The following DEK variants were observed in gnomAD, a reference collection of about 807,000 sequenced individuals.
DEK encodes the protein DEK proto-oncogene, also known as protein DEK.
A neutral mutation model predicts 46.8 loss-of-function variants in DEK; 28 were observed. The observed-to-expected ratio is 0.60, with a 90% CI of 0.44 to 0.82. The LOEUF is 0.82. DEK is among the 40% of genes least tolerant of loss of function. DEK has a pLI of 0.00. For synonymous variants in DEK, 160 were observed against 144.5 expected (o/e 1.11, Z -0.77); for missense variants, 416 against 430.6 (o/e 0.97, Z 0.30).
chr6:18,260,149 A>G (rs1389656528), intron 2 of DEK, among the ~76,000 whole-genome samples: 7 of 152,252 alleles, frequency 4.6e-5, no homozygotes, highest in Non-Finnish European at 1.0e-4. Flanking sequence ...AAAATGGTGT[A>G]GTAGTTACAT....
At position 18,240,550 on chromosome 6, in the gene DEK, G is replaced by C. The variant is rs558574068; in HGVS notation, c.763-3034C>G. 2.0e-5 allele frequency among the ~76,000 whole-genome samples: 3 copies of C among 152,268 alleles called. No individual in the cohort carries two copies. The East Asian group carries it at 5.8e-4, about 29-fold the overall frequency. On this transcript the variant is annotated intron_variant, in intron 7 of 10. Transcript: ENST00000652689. Reference sequence around the variant, plus strand: ...TGAAAAGTATTTTTGGTAGTACCTGGCAAATAGTAAACACTAAATATTAAC... The same window carrying C: ...TGAAAAGTATTTTTGGTAGTACCTGCCAAATAGTAAACACTAAATATTAAC...
chr6:18,249,325 A>G (rs1032354345), intron 7 of DEK, among the ~76,000 whole-genome samples: 2 of 152,206 alleles, frequency 1.3e-5, no homozygotes, highest in Admixed American at 6.5e-5. Flanking sequence ...AAATCCTCGA[A>G]GAATCTGCTC....
At chr6:18,264,108 GCCTCCTCCCATAGCCGGGA>G (rs1257223665) in intron 1 of DEK, 112 bp from the exon 2 acceptor site, 1 of 991,776 alleles carries the variant, frequency 1.0e-6, no homozygotes, top group Non-Finnish European at 1.4e-6. Flanking sequence ...CCTGAAAGTT[GCCTCCTCCCATAGCCGGGA>G]CCGCAGCGCT....
At chr6:18,254,068 C>T (rs936446744) in intron 6 of DEK, among the ~76,000 whole-genome samples, 7 of 152,110 alleles carry the variant, frequency 4.6e-5, no homozygotes, top group South Asian at 2.1e-4. Context: ...CGGTAGCTCA[C>T]GCCTGTAATC....
chr6:18,237,474 C>T lies in DEK; in HGVS notation c.805G>A (p.Ala269Thr). The change falls in exon 8 of 11, where the codon GCT (alanine) becomes ACT (threonine). Residue 269 changes from alanine (A) to threonine (T), a missense_variant. Coordinates refer to ENST00000652689, the MANE Select transcript of DEK (RefSeq NM_003472.4). ...ACAGATTTTTTACTTTTAGAAGTAGCTTTCTGTTTAGGTTTTTCTCTTTTG... is the reference window on the plus strand; with the variant it reads ...ACAGATTTTTTACTTTTAGAAGTAGTTTTCTGTTTAGGTTTTTCTCTTTTG... ...TAKREKPKQK[A>T]TSKSKKSVKS... 3.1e-6 allele frequency: 5 copies of T among 1,609,552 alleles called. No individual in the cohort carries two copies. In the South Asian group the frequency reaches 4.4e-5, roughly 14 times the overall value.
intron 5 of DEK, 140 bp from the exon 6 acceptor site, chr6:18,255,991 T>C (rs1489457527): frequency 2.0e-6 from 2 of 1,005,822 alleles, no homozygotes; most frequent in South Asian, 2.1e-5. Flanking sequence ...TGAATCTTTT[T>C]TCTTTTTTTT....
At chr6:18,263,259 C>G (rs1332972864) in intron 2 of DEK, among the ~76,000 whole-genome samples, 2 of 152,152 alleles carry the variant, frequency 1.3e-5, no homozygotes, top group East Asian at 3.8e-4. Flanking sequence ...ATTTAACTTT[C>G]TTTCAGAGTT....
At chr6:18,230,425 C>A (rs1310557443) in intron 9 of DEK, among the ~76,000 whole-genome samples, 1 of 152,178 alleles carries the variant, frequency 6.6e-6, no homozygotes, top group Non-Finnish European at 1.5e-5. Context: ...TTAAAAGACA[C>A]AGACTGACAA....
intron 6 of DEK, among the ~76,000 whole-genome samples, chr6:18,253,103 AT>A (rs912873446): frequency 0.016 from 2,161 of 137,308 alleles, 13 homozygotes; most frequent in South Asian, 0.028. Flanking sequence ...AGAACCCCAC[AT>A]TTTTTTTTTT....
chr6:18,248,852 G>C (rs1335879019), intron 7 of DEK, among the ~76,000 whole-genome samples: 1 of 152,088 alleles, frequency 6.6e-6, no homozygotes, highest in Non-Finnish European at 1.5e-5. Flanking sequence ...AGAATCATCT[G>C]GTCCAAAATG....
intron 9 of DEK, among the ~76,000 whole-genome samples, chr6:18,232,362 G>C (rs1790449022): frequency 6.6e-6 from 1 of 152,144 alleles, no homozygotes; most frequent in Admixed American, 6.5e-5. Context: ...GTTCTGGCCA[G>C]GGCAATCAGG....
At chr6:18,226,793 G>T (rs184005983) in intron 9 of DEK, among the ~76,000 whole-genome samples, 91 of 152,216 alleles carry the variant, frequency 6.0e-4, no homozygotes, top group African/African-American at 2.2e-3. Flanking sequence ...GAGATCAGAT[G>T]GTTACTGTGT....
At chr6:18,245,842 G>A (rs1398851085) in intron 7 of DEK, among the ~76,000 whole-genome samples, 3 of 152,270 alleles carry the variant, frequency 2.0e-5, no homozygotes, top group Admixed American at 1.3e-4. Context: ...GTTGTGGGAG[G>A]GACCCAGTGG....
chr6:18,225,652 G>T lies in DEK; in HGVS notation c.*67C>A. On this transcript the variant is annotated 3_prime_UTR_variant, in exon 11 of 11. Coordinates refer to ENST00000652689, the MANE Select transcript of DEK (RefSeq NM_003472.4). Reference sequence around the variant, plus strand: ...TTAGAAAAGGAAATACATTCTCTTTGCTGGTATAATGGTATAAATCAGATC... The same window carrying T: ...TTAGAAAAGGAAATACATTCTCTTTTCTGGTATAATGGTATAAATCAGATC... The T allele has an allele frequency of 6.6e-7, 1 of 1,524,818 alleles. No individual in the cohort carries two copies. The highest frequency in any genetic ancestry group is 8.9e-7 in the Non-Finnish European group (1 of 1,118,644). The allele number at this position is 1,524,818 out of a possible 1,614,324, so 94.5% of individuals were successfully genotyped here.
intron 6 of DEK, among the ~76,000 whole-genome samples, chr6:18,253,097 C>T (rs989327666): frequency 6.6e-6 from 1 of 151,882 alleles, no homozygotes; most frequent in African/African-American, 2.4e-5. Context: ...TTTCATAGAA[C>T]CCCACATTTT....
chr6:18,244,390 T>G, intron 7 of DEK: 1 of 435,020 alleles, frequency 2.3e-6, no homozygotes, highest in Non-Finnish European at 3.9e-6. Context: ...TACAGAAGTT[T>G]CAAAAACGTG....
intron 9 of DEK, 137 bp downstream of exon 9, chr6:18,236,315 A>G (rs1175315891): frequency 4.7e-6 from 4 of 850,132 alleles, no homozygotes; most frequent in East Asian, 3.0e-5. Context: ...AGCACCTGTA[A>G]GGAGATCTGG....
intron 9 of DEK, among the ~76,000 whole-genome samples, chr6:18,229,067 T>A (rs1272429396): frequency 6.6e-6 from 1 of 152,154 alleles, no homozygotes; most frequent in East Asian, 1.9e-4. Flanking sequence ...AGAGGAAGGA[T>A]CAGGCAGGAC....
chr6:18,257,132 C>T (rs977005168), intron 4 of DEK, among the ~76,000 whole-genome samples: 1 of 152,220 alleles, frequency 6.6e-6, no homozygotes, highest in East Asian at 1.9e-4. Flanking sequence ...GAACTATCAT[C>T]CAATTTATCA....
Sources: gnomAD v4.1 joint callset for allele counts (sites outside exome capture counted in the v4.1 genomes callset) on GRCh38, gnomAD v4.1.1 for gene constraint, MANE v1.5 for transcripts, NCBI Gene and HGNC (gene_info 2026-07-23, HGNC 2026-07-21) for gene names.